Variants in SKIC8 observed in about 807,000 individuals in gnomAD.
SKIC8 encodes the protein superkiller complex protein 8.
At chr15:78,293,117 A>T in the SKIC8 span, 1 of 1,549,584 alleles carries the variant, frequency 6.5e-7, no homozygotes, top group Non-Finnish European at 8.9e-7. Flanking sequence ...CAGAAGCAAA[A>T]CCTCAGCCCC....
chr15:78,288,873 C>A, the SKIC8 span: 1 of 437,580 alleles, frequency 2.3e-6, no homozygotes, highest in Admixed American at 2.7e-5. Flanking sequence ...GTCCTCCTTT[C>A]CAGAGGCCAC....
chr15:78,297,990 C>T, the SKIC8 span, among the ~76,000 whole-genome samples: 3 of 152,188 alleles, frequency 2.0e-5, no homozygotes, highest in Non-Finnish European at 2.9e-5. Context: ...TGGCCTCAAA[C>T]GATCCTCTTG....
At chr15:78,299,018 A>G in the SKIC8 span, among the ~76,000 whole-genome samples, 1 of 152,094 alleles carries the variant, frequency 6.6e-6, no homozygotes, top group African/African-American at 2.4e-5. Flanking sequence ...TCTTTGGGAA[A>G]CTTTTCCCTA....
the SKIC8 span, among the ~76,000 whole-genome samples, chr15:78,289,324 G>A: frequency 6.6e-6 from 1 of 152,004 alleles, no homozygotes; most frequent in Non-Finnish European, 1.5e-5. Flanking sequence ...GAGGTGGGAC[G>A]ATCCCTTGAG....
the SKIC8 span, among the ~76,000 whole-genome samples, chr15:78,297,114 A>G: frequency 6.6e-6 from 1 of 152,244 alleles, no homozygotes; most frequent in African/African-American, 2.4e-5. Flanking sequence ...CCATAAGACA[A>G]ATCACAATCT....
the SKIC8 span, chr15:78,292,399 A>T: frequency 1.8e-6 from 1 of 546,406 alleles, no homozygotes; most frequent in Non-Finnish European, 3.3e-6. Context: ...TATCTCCCTT[A>T]GTGTAAACAT....
At chr15:78,289,829 C>A in the SKIC8 span, 3 of 1,532,700 alleles carry the variant, frequency 2.0e-6, no homozygotes, top group Admixed American at 3.5e-5. Flanking sequence ...ACTTGGCAAA[C>A]CACACCAGTG....
the SKIC8 span, chr15:78,294,860 T>C: frequency 1.3e-6 from 2 of 1,544,312 alleles, no homozygotes; most frequent in East Asian, 2.2e-5. Flanking sequence ...GAAAACTGCA[T>C]GTCTGGTCAG....
the SKIC8 span, among the ~76,000 whole-genome samples, chr15:78,297,422 C>G: frequency 3.9e-5 from 6 of 152,070 alleles, no homozygotes; most frequent in Non-Finnish European, 8.8e-5. Context: ...TAGGTGAATT[C>G]ATAAATACAG....
chr15:78,289,526 C>A, the SKIC8 span: 5 of 906,784 alleles, frequency 5.5e-6, no homozygotes, highest in East Asian at 7.7e-5. Context: ...AAATCTAATG[C>A]CCATTTGCCA....
the SKIC8 span, chr15:78,285,742 CA>C: frequency 2.4e-6 from 1 of 425,388 alleles, no homozygotes; most frequent in East Asian, 3.7e-5. Flanking sequence ...CAACATTTTA[CA>C]AACATTTACA....
At chr15:78,298,160 G>A in the SKIC8 span, among the ~76,000 whole-genome samples, 1 of 152,190 alleles carries the variant, frequency 6.6e-6, no homozygotes, top group Admixed American at 6.5e-5. Context: ...CTTCAGCACA[G>A]CCTTCTGCCT....
chr15:78,296,974 T>G, the SKIC8 span, among the ~76,000 whole-genome samples: 1 of 152,222 alleles, frequency 6.6e-6, no homozygotes, highest in Non-Finnish European at 1.5e-5. Flanking sequence ...GGCACATTCT[T>G]GTCAACCAAT....
chr15:78,296,502 AC>A, the SKIC8 span, among the ~76,000 whole-genome samples: 1 of 150,246 alleles, frequency 6.7e-6, no homozygotes, highest in African/African-American at 2.5e-5. Context: ...TGTGCCAAAG[AC>A]CCCCTTTGGC....
At chr15:78,299,553 C>T in the SKIC8 span, 9 of 152,580 alleles carry the variant, frequency 5.9e-5, no homozygotes, top group Admixed American at 3.9e-4. Flanking sequence ...GCCCTGCGCT[C>T]CAACTCACCA....
chr15:78,289,487 C>T, the SKIC8 span: 1 of 690,116 alleles, frequency 1.4e-6, no homozygotes, highest in African/African-American at 1.8e-5. Context: ...GGAGGCATTT[C>T]AGTTTTCCAA....
chr15:78,295,837 T>C, the SKIC8 span: 1 of 869,380 alleles, frequency 1.2e-6, no homozygotes, highest in Non-Finnish European at 1.7e-6. Context: ...GAAGTTGTTC[T>C]GACACCCTTC....
the SKIC8 span, chr15:78,289,866 G>C: frequency 6.4e-7 from 1 of 1,569,652 alleles, no homozygotes; most frequent in Non-Finnish European, 8.7e-7. Context: ...ACCAGACCAA[G>C]ACAGAATCTG....
At chr15:78,295,333 C>G in the SKIC8 span, 1 of 561,568 alleles carries the variant, frequency 1.8e-6, no homozygotes, top group Non-Finnish European at 3.2e-6. Flanking sequence ...CCTGCCTAAC[C>G]GTCTATTAAC....
Sources: gnomAD v4.1 joint callset for allele counts (sites outside exome capture counted in the v4.1 genomes callset) on GRCh38, gnomAD v4.1.1 for gene constraint, MANE v1.5 for transcripts, NCBI Gene and HGNC (gene_info 2026-07-23, HGNC 2026-07-21) for gene names.